PCNX3: variants seen among roughly 807,000 people sequenced by gnomAD.
PCNX3 encodes pecanex 3.
Under a neutral mutation model 207.2 loss-of-function variants are expected in PCNX3, and 58 were observed. That is an observed-to-expected ratio of 0.28 (90% CI 0.23 to 0.35). The LOEUF is 0.35. Among genes scored for constraint, PCNX3 ranks in the 10% least tolerant of loss-of-function variants. The probability of loss-of-function intolerance (pLI) is 1.00; values close to 1 mark genes in which losing one functional copy is unlikely to be tolerated. For synonymous variants in PCNX3, 1,337 were observed against 1,183.5 expected (o/e 1.13, Z -2.66); for missense variants, 2,410 against 2,774.4 (o/e 0.87, Z 2.95).
chr11:65,635,875 A>C lies in PCNX3; in HGVS notation c.5459+72A>C, dbSNP rs1565174059. On this transcript the variant is annotated intron_variant, in intron 32 of 34. Coordinates refer to ENST00000355703, the MANE Select transcript of PCNX3 (RefSeq NM_032223.4). This position sits in a 1 kb window ranked among gnomAD's most constrained non-coding sequence, Gnocchi z 9.9. ...GTGCAGTACGTCCCTCCTGGGTCTC[A>C]GAGGGAGGACGTGCTGGAGCCAGGG... The C allele has an allele frequency of 5.3e-6, 8 of 1,498,776 alleles. No homozygotes were observed. Among genetic ancestry groups the C allele is most frequent in the South Asian group, 1.3e-5 (1 of 75,794 alleles). The allele number at this position is 1,498,776 out of a possible 1,614,324, so 92.8% of individuals were successfully genotyped here.
At chr11:65,634,439 C>T in intron 28 of PCNX3, 83 bp downstream of exon 28, 1 of 1,508,850 alleles carries the variant, frequency 6.6e-7, no homozygotes, top group Non-Finnish European at 8.9e-7. Flanking sequence ...TTGGTTTCCT[C>T]TCACTCTGAG....
In PCNX3 at chr11:65,627,459, C is replaced by T; in HGVS notation, c.3579C>T (p.Phe1193=). 2 of 1,613,460 alleles carry T rather than the reference C, an allele frequency of 1.2e-6. No homozygotes were observed. Among genetic ancestry groups the T allele is most frequent in the African/African-American group, 1.3e-5 (1 of 75,058 alleles). Residue 1193 remains phenylalanine, a synonymous_variant, in exon 22 of 35, where the codon TTC becomes TTT. Coordinates refer to ENST00000355703, the MANE Select transcript of PCNX3 (RefSeq NM_032223.4). ...GGCTGAAGCTGCTGCGCTCAGCCTT[C>T]TGCTGCCCCCCACAGCAGTACCTGA... ...VAGLKLLRSA[F]CCPPQQYLTL...
chr11:65,626,480 A>G (rs867208703), intron 20 of PCNX3: 3 of 392,350 alleles, frequency 7.6e-6, no homozygotes, highest in South Asian at 4.3e-5. Flanking sequence ...ATGAAGATCC[A>G]TGTTTCTTGA....
intron 10 of PCNX3, 96 bp downstream of exon 10, chr11:65,621,062 C>T: frequency 6.9e-7 from 1 of 1,438,902 alleles, no homozygotes; most frequent in Non-Finnish European, 9.2e-7. Context: ...CCAGGTGCCC[C>T]AGGAGGGACG....
intron 13 of PCNX3, 71 bp from the exon 14 acceptor site, chr11:65,624,124 C>A: frequency 6.4e-7 from 1 of 1,567,550 alleles, no homozygotes; most frequent in East Asian, 2.3e-5. Context: ...GCCTGGGGCC[C>A]TTGAGTGTGT....
intron 26 of PCNX3, among the ~76,000 whole-genome samples, chr11:65,629,971 G>T (rs1463110023): frequency 6.6e-6 from 1 of 152,198 alleles, no homozygotes; most frequent in Non-Finnish European, 1.5e-5. Context: ...GACTCTACAG[G>T]TCACTGCAGT....
intron 10 of PCNX3, among the ~76,000 whole-genome samples, chr11:65,621,497 A>G (rs113654035): frequency 3.9e-4 from 59 of 152,390 alleles, no homozygotes; most frequent in African/African-American, 1.4e-3. Flanking sequence ...TAGAGCTTAA[A>G]GAATGATCAT....
In PCNX3 at chr11:65,616,048, A is replaced by C. The variant is rs1167850096; in HGVS notation, c.-264A>C. On this transcript the variant is annotated 5_prime_UTR_variant, in exon 1 of 35. Transcript: ENST00000355703. Reference sequence around the variant, plus strand: ...CCTGCCGGCTCGGCCCCTCGGAGCAATTCTGGGCCAGGAGTGGGGACCCGG... The same window carrying C: ...CCTGCCGGCTCGGCCCCTCGGAGCACTTCTGGGCCAGGAGTGGGGACCCGG... 2.9e-5 allele frequency: 8 copies of C among 271,210 alleles called. No homozygotes were observed. The highest frequency in any genetic ancestry group is 1.4e-4 in the East Asian group (2 of 14,800). 16.8% of individuals were successfully genotyped at this position (271,210 alleles called of 1,614,324 possible). A position where few individuals can be genotyped will look rare whatever the true frequency, so the allele number is the denominator to read the frequency against.
intron 27 of PCNX3, among the ~76,000 whole-genome samples, chr11:65,631,091 G>A (rs2135469712): frequency 6.6e-6 from 1 of 152,362 alleles, no homozygotes; most frequent in East Asian, 1.9e-4. Context: ...TTGGCTTGCA[G>A]AGGTTCCAGA....
In PCNX3 at chr11:65,635,282, A is replaced by C. The variant is rs1335737706; in HGVS notation, c.5018A>C (p.Asn1673Thr). The change falls in exon 31 of 35, where the codon AAC becomes ACC. Residue 1673 changes from asparagine to threonine, a missense_variant. Asn to Thr is a moderately conservative substitution (Grantham distance 65, BLOSUM62 0). Around this residue, in one of 8 missense-constraint regions of PCNX3, gnomAD observed 420 missense variants for 705.3 expected, o/e 0.60. Transcript: ENST00000355703. This position sits in a 1 kb window ranked among gnomAD's most constrained non-coding sequence, Gnocchi z 9.9. ...PAALYDAIAANEERLVISHEG... is the reference protein window; with the variant it reads ...PAALYDAIAATEERLVISHEG... ...GCCCTATACGATGCCATTGCGGCCAACGAGGAGCGGCTGGTCATCTCACAT... is the reference window on the plus strand; with the variant it reads ...GCCCTATACGATGCCATTGCGGCCACCGAGGAGCGGCTGGTCATCTCACAT... 3 of 1,592,854 alleles carry C rather than the reference A, an allele frequency of 1.9e-6. No homozygotes were observed. In the African/African-American group the frequency reaches 4.0e-5, roughly 21 times the overall value.
rs761373001 is a variant in PCNX3, at chr11:65,636,403, A to T, written c.5606A>T (p.Gln1869Leu). Residue 1869 changes from glutamine to leucine, a missense_variant, in exon 34 of 35, where the codon CAA becomes CTA. Physicochemically the swap from Gln to Leu is moderately radical, Grantham distance 113. Transcript: ENST00000355703. ...TPENTAGNGD[Q>L]PLPPGPGWGP... ...CTGTCTCCTACAGGCAATGGTGACCAACCCCTCCCACCAGGCCCTGGCTGG... is the reference window on the plus strand; with the variant it reads ...CTGTCTCCTACAGGCAATGGTGACCTACCCCTCCCACCAGGCCCTGGCTGG... 6.4e-7 allele frequency: 1 copy of T among 1,559,136 alleles called. No homozygotes were observed. Among genetic ancestry groups the T allele is most frequent in the East Asian group, 2.3e-5 (1 of 44,410 alleles).
At chr11:65,627,718 T>A in intron 22 of PCNX3, 136 bp downstream of exon 22, 2 of 1,110,558 alleles carry the variant, frequency 1.8e-6, no homozygotes, top group Non-Finnish European at 2.6e-6. Context: ...TGCAGCAGCC[T>A]CTCAAGGAAG....
At position 65,626,048 on chromosome 11, in the gene PCNX3, G is replaced by A. The variant is rs370415636; in HGVS notation, c.3373G>A (p.Val1125Met). 1.7e-4 allele frequency: 269 copies of A among 1,603,984 alleles called. No homozygotes were observed. The highest frequency in any genetic ancestry group is 2.2e-4 in the Non-Finnish European group (259 of 1,175,924). ...GCCGCTGGAGTACAGCCAGTATGAA[G>A]TGCGCGGTGAGTGCCCACCCCTGAT... is the stretch of plus-strand genomic sequence containing the variant. ...LKPLEYSQYE[V>M]RGAAQVMWFE... The change falls in exon 20 of 35, where the codon GTG (valine) becomes ATG (methionine). Residue 1125 changes from valine (V) to methionine (M), a missense_variant. By Grantham distance (21) the Val-to-Met change is conservative. Transcript: ENST00000355703.
intron 12 of PCNX3, 52 bp downstream of exon 12, chr11:65,623,696 GC>G: frequency 1.3e-6 from 2 of 1,593,734 alleles, no homozygotes; most frequent in South Asian, 2.3e-5. Flanking sequence ...TCCCAAGATT[GC>G]CCTTCCCACA....
rs759465485 is a variant in PCNX3 at position 65,617,271 on chromosome 11, A to G, written c.363A>G (p.Thr121=). The change falls in exon 3 of 35, where the codon ACA becomes ACG. Residue 121 remains threonine, a synonymous_variant. Transcript: ENST00000355703. ...CCAGGGACCCCGGAGTGGAGATGAC[A>G]GTGTTCCGGAAAGTCAGTTCCACAC... is the stretch of plus-strand genomic sequence containing the variant. ...NPPRDPGVEM[T]VFRKVSSTPP... The G allele has an allele frequency of 6.2e-7, 1 of 1,608,192 alleles. No individual in the cohort carries two copies. Among genetic ancestry groups the G allele is most frequent in the Non-Finnish European group, 8.5e-7 (1 of 1,177,406 alleles).
intron 23 of PCNX3, 42 bp from the exon 24 acceptor site, chr11:65,628,777 T>TGGGGGGGGGGGGGGGGGGGCG: frequency 2.7e-6 from 4 of 1,490,424 alleles, no homozygotes; most frequent in Non-Finnish European, 2.7e-6. Context: ...GGTGGGGGGC[T>TGGGGGGGGGGGGGGGGGGGCG]GGGAGGTCCT....
At chr11:65,624,056 C>T in intron 13 of PCNX3, 95 bp downstream of exon 13, 3 of 1,579,668 alleles carry the variant, frequency 1.9e-6, no homozygotes, top group Non-Finnish European at 2.6e-6. Context: ...GCTGGGGCTC[C>T]CTCACCACCC....
At position 65,624,510 on chromosome 11, in the gene PCNX3, T is replaced by C. The variant is rs758268849; in HGVS notation, c.2756T>C (p.Leu919Pro). 1 of 1,608,866 alleles carries C rather than the reference T, an allele frequency of 6.2e-7. No individual in the cohort carries two copies. The highest frequency in any genetic ancestry group is 8.5e-7 in the Non-Finnish European group (1 of 1,177,726). The change falls in exon 15 of 35, where the codon CTC (leucine) becomes CCC (proline). Residue 919 changes from leucine to proline, a missense_variant. Coordinates refer to ENST00000355703, the MANE Select transcript of PCNX3 (RefSeq NM_032223.4). ...LCFPFVFLLG[L>P]LPQVNTCLMY... ...TTCCCCTTCGTCTTCCTCCTGGGCCTCCTGCCCCAGGTCAACACCTGCCTC... is the reference window on the plus strand; with the variant it reads ...TTCCCCTTCGTCTTCCTCCTGGGCCCCCTGCCCCAGGTCAACACCTGCCTC...
intron 7 of PCNX3, 34 bp from the exon 8 acceptor site, chr11:65,619,720 T>C (rs1854977750): frequency 1.3e-6 from 2 of 1,561,626 alleles, no homozygotes; most frequent in African/African-American, 2.7e-5. Flanking sequence ...CCGCAAGCTC[T>C]AGCTGGCGCT....
Sources: gnomAD v4.1 joint callset for allele counts (sites outside exome capture counted in the v4.1 genomes callset) on GRCh38, gnomAD v4.1.1 for gene constraint, gnomAD v4.1.1 regional missense constraint, Gnocchi (gnomAD v3.1) non-coding constraint, MANE v1.5 for transcripts, NCBI Gene and HGNC (gene_info 2026-07-23, HGNC 2026-07-21) for gene names.